Variants in ELL2 observed in about 807,000 individuals in gnomAD.
ELL2 encodes the protein elongation factor for RNA polymerase II 2, also known as RNA polymerase II elongation factor ELL2.
Under a neutral mutation model 72.8 loss-of-function variants are expected in ELL2, and 21 were observed. The ratio of observed to expected loss-of-function variants is 0.29; its 90% CI spans 0.20 to 0.42. The LOEUF (loss-of-function observed/expected upper bound fraction) is 0.42, where lower values mean the gene tolerates loss of function less well. Among genes scored for constraint, ELL2 ranks in the 10% least tolerant of loss-of-function variants. ELL2 has a pLI of 1.00. For synonymous variants in ELL2, 266 were observed against 283.2 expected (o/e 0.94, Z 0.61); for missense variants, 568 against 772.8 (o/e 0.73, Z 3.14).
chr5:95,956,667 G>C (rs1199012904), intron 1 of ELL2, among the ~76,000 whole-genome samples: 3 of 152,202 alleles, frequency 2.0e-5, no homozygotes, highest in African/African-American at 4.8e-5. Flanking sequence ...AAACTATAAT[G>C]AATCAAATGC....
At chr5:95,900,549 T>C in intron 7 of ELL2, 144 bp downstream of exon 7, 1 of 545,166 alleles carries the variant, frequency 1.8e-6, no homozygotes, top group Non-Finnish European at 3.1e-6. Context: ...AATTCTAGGC[T>C]AAGCTCAGCC....
intron 5 of ELL2, among the ~76,000 whole-genome samples, chr5:95,902,730 T>C (rs1209416208): frequency 6.6e-6 from 1 of 152,228 alleles, no homozygotes; most frequent in Non-Finnish European, 1.5e-5. Context: ...TACACCCAGA[T>C]TTCTTGAGGT....
At chr5:95,915,644 A>AC (rs1412453174) in intron 3 of ELL2, among the ~76,000 whole-genome samples, 1 of 152,224 alleles carries the variant, frequency 6.6e-6, no homozygotes, top group Non-Finnish European at 1.5e-5. Flanking sequence ...TCCAGGGAGC[A>AC]GAGGACTCCC....
chr5:95,922,755 T>C (rs1226721617), intron 2 of ELL2, among the ~76,000 whole-genome samples: 2 of 152,170 alleles, frequency 1.3e-5, no homozygotes, highest in Non-Finnish European at 2.9e-5. Context: ...GGAAAAAAGC[T>C]ACAGATTTAA....
At chr5:95,909,640 G>A (rs530548842) in intron 4 of ELL2, among the ~76,000 whole-genome samples, 1 of 152,218 alleles carries the variant, frequency 6.6e-6, no homozygotes, top group South Asian at 2.1e-4. Flanking sequence ...AAAACCTATG[G>A]GAGAACCTAA....
rs376974355 is a variant in ELL2 at position 95,943,798 on chromosome 5, TA to T, written c.148-750del. On this transcript the variant is annotated intron_variant, in intron 1 of 11. Coordinates refer to ENST00000237853, the MANE Select transcript of ELL2 (RefSeq NM_012081.6). ...TTTATTATGAGCTTTTTCTTCTTGA[TA>T]ACTTCAATATTTTATCATAGAGTTG... Among the ~76,000 whole-genome samples, 192 of 152,332 alleles carry T rather than the reference TA, an allele frequency of 1.3e-3. 1 individual carries two copies. The highest frequency in any genetic ancestry group is 4.4e-3 in the African/African-American group (184 of 41,572).
At position 95,898,727 on chromosome 5, in the gene ELL2, T is replaced by C. The variant is rs777901865; in HGVS notation, c.1038A>G (p.Pro346=). The part of the protein sequence containing the change: ...RISHLTNRVP[P]TLNGHLNPTS... ...TGGGATTCAAATGACCATTTAGTGTTGGTGGTACTCTGTTCGTCAGGTGAG... is the reference window on the plus strand; with the variant it reads ...TGGGATTCAAATGACCATTTAGTGTCGGTGGTACTCTGTTCGTCAGGTGAG... The change falls in exon 8 of 12, where the codon CCA becomes CCG. Residue 346 remains proline, a synonymous_variant. Coordinates refer to ENST00000237853, the MANE Select transcript of ELL2 (RefSeq NM_012081.6). 2 of 1,609,326 alleles carry C rather than the reference T, an allele frequency of 1.2e-6. No homozygotes were observed. Among genetic ancestry groups the C allele is most frequent in the Non-Finnish European group, 1.7e-6 (2 of 1,177,196 alleles).
intron 7 of ELL2, among the ~76,000 whole-genome samples, chr5:95,900,027 T>C (rs534335019): frequency 7.4e-4 from 113 of 152,218 alleles, no homozygotes; most frequent in African/African-American, 2.6e-3. Flanking sequence ...GTGTCAGCAG[T>C]ACTGGGGTGG....
At chr5:95,953,275 A>T (rs1188539467) in intron 1 of ELL2, among the ~76,000 whole-genome samples, 3 of 152,200 alleles carry the variant, frequency 2.0e-5, no homozygotes, top group Non-Finnish European at 4.4e-5. Flanking sequence ...TCAGAAGATA[A>T]ATACATGTTT....
intron 5 of ELL2, among the ~76,000 whole-genome samples, chr5:95,902,477 A>T (rs1052833215): frequency 1.3e-5 from 2 of 152,242 alleles, no homozygotes; most frequent in African/African-American, 4.8e-5. Flanking sequence ...ATACAGGTTC[A>T]CGTGCCAAAC....
intron 2 of ELL2, among the ~76,000 whole-genome samples, chr5:95,935,741 T>C (rs1750750934): frequency 6.6e-6 from 1 of 152,210 alleles, no homozygotes; most frequent in Non-Finnish European, 1.5e-5. Flanking sequence ...ACCTGCTCTT[T>C]TCGTCTATTT....
chr5:95,936,795 G>T (rs1380215595), intron 2 of ELL2, among the ~76,000 whole-genome samples: 5 of 152,140 alleles, frequency 3.3e-5, no homozygotes, highest in Non-Finnish European at 7.4e-5. Context: ...TATTTTCCAA[G>T]CTTAAATAAG....
intron 3 of ELL2, among the ~76,000 whole-genome samples, chr5:95,914,640 G>A (rs1484112048): frequency 6.6e-6 from 1 of 152,120 alleles, no homozygotes; most frequent in Admixed American, 6.5e-5. Flanking sequence ...GATTGCTTGA[G>A]TTCAGGAGTT....
chr5:95,910,756 T>C (rs946211764), intron 4 of ELL2, among the ~76,000 whole-genome samples: 1 of 152,164 alleles, frequency 6.6e-6, no homozygotes. Flanking sequence ...ATTGGTCTTC[T>C]ACCCAGGCTG....
At chr5:95,907,453 G>A (rs775422337) in intron 4 of ELL2, among the ~76,000 whole-genome samples, 25 of 151,980 alleles carry the variant, frequency 1.6e-4, no homozygotes, top group Non-Finnish European at 2.9e-4. Flanking sequence ...GTACAAAGGA[G>A]GCCTTCACAC....
intron 10 of ELL2, among the ~76,000 whole-genome samples, chr5:95,890,758 A>G (rs1268192083): frequency 1.3e-5 from 2 of 152,206 alleles, no homozygotes; most frequent in Non-Finnish European, 1.5e-5. Context: ...TTGGGATAGC[A>G]CCAGACCTAT....
chr5:95,940,178 CA>C (rs1750920004), intron 2 of ELL2, among the ~76,000 whole-genome samples: 2 of 152,182 alleles, frequency 1.3e-5, no homozygotes, highest in Admixed American at 1.3e-4. Flanking sequence ...CATTAAGGAA[CA>C]GGGGTAAAAT....
At chr5:95,923,519 G>A (rs1750174702) in intron 2 of ELL2, among the ~76,000 whole-genome samples, 1 of 152,218 alleles carries the variant, frequency 6.6e-6, no homozygotes, top group Non-Finnish European at 1.5e-5. Context: ...GGTGACTCTT[G>A]ATGCACGTCA....
At chr5:95,951,771 C>G (rs1450977287) in intron 1 of ELL2, among the ~76,000 whole-genome samples, 1 of 152,014 alleles carries the variant, frequency 6.6e-6, no homozygotes, top group Non-Finnish European at 1.5e-5. Flanking sequence ...AAGGCCACCT[C>G]GAAGTTTATG....
Sources: allele counts gnomAD v4.1 joint callset (sites outside exome capture counted in the v4.1 genomes callset), GRCh38; gene constraint gnomAD v4.1.1; transcripts MANE v1.5; gene names NCBI Gene and HGNC (gene_info 2026-07-23, HGNC 2026-07-21).